DNM2: variants seen among roughly 807,000 people sequenced by gnomAD.
The protein encoded by DNM2 is dynamin 2, also known as dynamin-2.
DNM2 carries 15 observed loss-of-function variants against 99.0 expected under a neutral mutation model. The observed-to-expected ratio is 0.15, with a 90% CI of 0.10 to 0.23. The LOEUF is 0.23. Among genes scored for constraint, DNM2 ranks in the 10% least tolerant of loss-of-function variants. The pLI, the probability that DNM2 is intolerant of heterozygous loss-of-function variation, is 1.00. For missense variants in DNM2, 742 were observed against 1,189.4 expected (o/e 0.62, Z 5.53); for synonymous variants, 525 against 481.2 (o/e 1.09, Z -1.19).
chr19:10,753,588 G>A (rs914176594), intron 1 of DNM2, among the ~76,000 whole-genome samples: 10 of 151,786 alleles, frequency 6.6e-5, no homozygotes, highest in Non-Finnish European at 8.8e-5. Flanking sequence ...GTCTGTTGCT[G>A]CATAGCAGCA....
intron 1 of DNM2, among the ~76,000 whole-genome samples, chr19:10,748,090 G>T (rs986937672): frequency 6.6e-6 from 1 of 152,182 alleles, no homozygotes; most frequent in Non-Finnish European, 1.5e-5. Flanking sequence ...AGGTCGTGCA[G>T]GGCTTGGGGG....
In DNM2 at chr19:10,831,559, G is replaced by GTCCT; in HGVS notation, c.*516_*519dup. On this transcript the variant is annotated 3_prime_UTR_variant, in exon 21 of 21. Coordinates refer to ENST00000389253, the MANE Select transcript of DNM2 (RefSeq NM_001005361.3). The surrounding 1 kb of genome is among the most constrained non-coding windows in gnomAD (Gnocchi z 4.3). ...AGCTGGCAGGCCTGAGGTGTACATA[G>GTCCT]TCCTTCCCGGCCATATTAACCACAC... 1 of 986,210 alleles carries GTCCT rather than the reference G, an allele frequency of 1.0e-6. No individual in the cohort carries two copies. The highest frequency in any genetic ancestry group is 1.2e-6 in the Non-Finnish European group (1 of 830,194). 61.1% of individuals were successfully genotyped at this position (986,210 alleles called of 1,614,324 possible). A position where few individuals can be genotyped will look rare whatever the true frequency, so the allele number is the denominator to read the frequency against.
chr19:10,755,124 G>A (rs1307810512), intron 1 of DNM2: 4 of 152,146 alleles, frequency 2.6e-5, no homozygotes, highest in South Asian at 2.1e-4. Context: ...ATATGAGAAT[G>A]TTCAGAACAG....
chr19:10,826,991 C>A (rs2073161629), intron 18 of DNM2, among the ~76,000 whole-genome samples: 1 of 152,028 alleles, frequency 6.6e-6, no homozygotes, highest in Admixed American at 6.6e-5. Context: ...TGGCTCACAT[C>A]TGTACTCCCA....
chr19:10,741,024 T>G (rs1030650743), intron 1 of DNM2, among the ~76,000 whole-genome samples: 3 of 152,234 alleles, frequency 2.0e-5, no homozygotes, highest in African/African-American at 7.2e-5. Flanking sequence ...ATGTTCCATA[T>G]GCACATGATA....
At chr19:10,771,181 G>A (rs1329312078) in intron 2 of DNM2, among the ~76,000 whole-genome samples, 1 of 152,148 alleles carries the variant, frequency 6.6e-6, no homozygotes, top group Non-Finnish European at 1.5e-5. Flanking sequence ...CTGAAAATTC[G>A]AACATCTGGA....
At chr19:10,806,892 C>A (rs1431696080) in intron 13 of DNM2, among the ~76,000 whole-genome samples, 3 of 152,066 alleles carry the variant, frequency 2.0e-5, no homozygotes, top group African/African-American at 7.3e-5. Context: ...GATTGGGAGC[C>A]CCTAGGTGAG....
chr19:10,731,789 TTG>T (rs2069330049), intron 1 of DNM2, among the ~76,000 whole-genome samples: 1 of 152,220 alleles, frequency 6.6e-6, no homozygotes, highest in Admixed American at 6.5e-5. Flanking sequence ...GAGTTCCCCG[TTG>T]TCTGGGCGGA....
chr19:10,734,554 A>G (rs968437825), intron 1 of DNM2, among the ~76,000 whole-genome samples: 3 of 146,164 alleles, frequency 2.1e-5, no homozygotes, highest in African/African-American at 7.6e-5. Flanking sequence ...CAGGAGGATC[A>G]CTTGAGCCCT....
chr19:10,725,554 T>G (rs540503240), intron 1 of DNM2, among the ~76,000 whole-genome samples: 1 of 151,920 alleles, frequency 6.6e-6, no homozygotes, highest in South Asian at 2.1e-4. Flanking sequence ...TCTGTGGGAA[T>G]ATGGAAGGCT....
intron 5 of DNM2, among the ~76,000 whole-genome samples, chr19:10,780,859 A>G (rs1182644444): frequency 6.6e-6 from 1 of 151,946 alleles, no homozygotes; most frequent in Admixed American, 6.6e-5. Context: ...CAGCTCTACT[A>G]AAAATAGAAT....
Position 10,775,617 on chromosome 19 carries a change from T to G in DNM2, c.386-86T>G. On this transcript the variant is annotated intron_variant, in intron 3 of 20. Transcript: ENST00000389253. The surrounding 1 kb of genome is among the most constrained non-coding windows in gnomAD (Gnocchi z 4.3). Reference sequence around the variant, plus strand: ...TCAAGTCTGAGCCCCGCGCAGGAACTTTGGTAGTCAGCTGGGTGGCTGCGG... The same window carrying G: ...TCAAGTCTGAGCCCCGCGCAGGAACGTTGGTAGTCAGCTGGGTGGCTGCGG... 1 of 1,496,324 alleles carries G rather than the reference T, an allele frequency of 6.7e-7. No homozygotes were observed. The highest frequency in any genetic ancestry group is 9.3e-7 in the Non-Finnish European group (1 of 1,074,950). 92.7% of individuals were successfully genotyped at this position (1,496,324 alleles called of 1,614,324 possible). A position where few individuals can be genotyped will look rare whatever the true frequency, so the allele number is the denominator to read the frequency against.
chr19:10,799,440 C>T (rs1239837047), intron 11 of DNM2, among the ~76,000 whole-genome samples: 1 of 148,640 alleles, frequency 6.7e-6, no homozygotes, highest in Non-Finnish European at 1.5e-5. Flanking sequence ...GCCTTGATTA[C>T]TAAGCAATCT....
chr19:10,803,705 G>A, intron 12 of DNM2: 1 of 986,356 alleles, frequency 1.0e-6, no homozygotes, highest in Non-Finnish European at 1.2e-6. Flanking sequence ...GCCCTGGTGT[G>A]TGAACGGGGT....
chr19:10,825,022 C>T (rs1168331795), intron 17 of DNM2, 35 bp from the exon 18 acceptor site: 1 of 1,612,990 alleles, frequency 6.2e-7, no homozygotes, highest in South Asian at 1.1e-5. Flanking sequence ...GCCCAGGCCA[C>T]AGTCACCCCT....
intron 6 of DNM2, among the ~76,000 whole-genome samples, chr19:10,785,881 G>A (rs1014718691): frequency 1.3e-5 from 2 of 151,474 alleles, no homozygotes; most frequent in East Asian, 3.9e-4. Context: ...TGTGATCTCG[G>A]CCCACTGCAA....
rs992552895 is a variant in DNM2 at position 10,795,817 on chromosome 19, G to A, written c.1196+378G>A. Reference sequence around the variant, plus strand: ...CATGAGTCCCCATCATGGCTTCCTCGTGAGCCTCTTGGGTCCCCTCCTTAT... The same window carrying A: ...CATGAGTCCCCATCATGGCTTCCTCATGAGCCTCTTGGGTCCCCTCCTTAT... On this transcript the variant is annotated intron_variant, in intron 9 of 20. Coordinates refer to ENST00000389253, the MANE Select transcript of DNM2 (RefSeq NM_001005361.3). The surrounding 1 kb of genome is among the most constrained non-coding windows in gnomAD (Gnocchi z 4.2). 9.6e-5 allele frequency: 60 copies of A among 623,844 alleles called. 3 individuals carry two copies. The highest frequency in any genetic ancestry group is 1.7e-4 in the Admixed American group (6 of 35,858). The allele number at this position is 623,844 out of a possible 1,614,324, so 38.6% of individuals were successfully genotyped here. A position where few individuals can be genotyped will look rare whatever the true frequency, so the allele number is the denominator to read the frequency against.
chr19:10,767,498 T>A (rs986500960), intron 2 of DNM2, among the ~76,000 whole-genome samples: 2 of 152,186 alleles, frequency 1.3e-5, no homozygotes, highest in African/African-American at 4.8e-5. Context: ...TTTTTGTACA[T>A]GTAGGATCTT....
chr19:10,793,500 T>C (rs2071825164), intron 7 of DNM2, among the ~76,000 whole-genome samples: 1 of 152,192 alleles, frequency 6.6e-6, no homozygotes, highest in African/African-American at 2.4e-5. Context: ...TCAGATCGAA[T>C]GGGTGAATAA....
Sources: gnomAD v4.1 joint callset for allele counts (sites outside exome capture counted in the v4.1 genomes callset) on GRCh38, gnomAD v4.1.1 for gene constraint, Gnocchi (gnomAD v3.1) non-coding constraint, MANE v1.5 for transcripts, NCBI Gene and HGNC (gene_info 2026-07-23, HGNC 2026-07-21) for gene names.